Variants in SHANK1 observed in about 807,000 individuals in gnomAD.
SHANK1 encodes SH3 and multiple ankyrin repeat domains protein 1.
Under a neutral mutation model 165.6 loss-of-function variants are expected in SHANK1, and 35 were observed. The observed-to-expected ratio is 0.21, with a 90% CI of 0.16 to 0.28. SHANK1 has a LOEUF of 0.28. SHANK1 is among the 10% of genes least tolerant of loss of function. The pLI is 1.00. For synonymous variants in SHANK1, 1,428 were observed against 1,384.8 expected, an observed-to-expected ratio of 1.03 and a Z score of -0.69; for missense variants, 2,681 against 3,036.4, an observed-to-expected ratio of 0.88 and a Z score of 2.75.
chr19:50,688,731 G>A lies in SHANK1; in HGVS notation c.2172+113C>T. On this transcript the variant is annotated intron_variant, in intron 17 of 23. Coordinates refer to ENST00000293441, the MANE Select transcript of SHANK1 (RefSeq NM_016148.5). This position sits in a 1 kb window ranked among gnomAD's most constrained non-coding sequence, Gnocchi z 6.7. ...GGCTGGGGGGTGGGCAGGGGGCTGGGAATCCTGGTGCCAAAGGAGAATAAA... is the reference window on the plus strand; with the variant it reads ...GGCTGGGGGGTGGGCAGGGGGCTGGAAATCCTGGTGCCAAAGGAGAATAAA... 9.1e-7 allele frequency: 1 copy of A among 1,103,300 alleles called. No homozygotes were observed. Among genetic ancestry groups the A allele is most frequent in the South Asian group, 1.6e-5 (1 of 62,472 alleles). The allele number at this position is 1,103,300 out of a possible 1,614,324, so 68.3% of individuals were successfully genotyped here. A position where few individuals can be genotyped will look rare whatever the true frequency, so the allele number is the denominator to read the frequency against.
intron 15 of SHANK1, among the ~76,000 whole-genome samples, chr19:50,693,057 T>C (rs1292002491): frequency 6.6e-6 from 1 of 151,564 alleles, no homozygotes; most frequent in Non-Finnish European, 1.5e-5. Flanking sequence ...TCATACTTCC[T>C]GGGTACCCTC....
chr19:50,671,184 T>TA (rs1337158257), intron 22 of SHANK1, among the ~76,000 whole-genome samples: 3 of 135,018 alleles, frequency 2.2e-5, no homozygotes, highest in Non-Finnish European at 4.8e-5. Context: ...TTCACTCTTT[T>TA]TTTTTTTTTT....
Position 50,697,760 on chromosome 19 carries a change from G to T in SHANK1, c.1861+83C>A, listed in dbSNP as rs1259637789. 1 of 1,509,512 alleles carries T rather than the reference G, an allele frequency of 6.6e-7. No individual in the cohort carries two copies. The highest frequency in any genetic ancestry group is 2.3e-5 in the East Asian group (1 of 44,178). 93.5% of individuals were successfully genotyped at this position (1,509,512 alleles called of 1,614,324 possible). A position where few individuals can be genotyped will look rare whatever the true frequency, so the allele number is the denominator to read the frequency against. ...CCCAAGTCTTCCCATCTACCTCCCAGTACCCCACCCCCATTAGGAAGGGAA... is the reference window on the plus strand; with the variant it reads ...CCCAAGTCTTCCCATCTACCTCCCATTACCCCACCCCCATTAGGAAGGGAA... On this transcript the variant is annotated intron_variant, in intron 13 of 23. Coordinates refer to ENST00000293441, the MANE Select transcript of SHANK1 (RefSeq NM_016148.5). This position sits in a 1 kb window ranked among gnomAD's most constrained non-coding sequence, Gnocchi z 4.7.
intron 18 of SHANK1, 103 bp from the exon 19 acceptor site, chr19:50,687,765 C>T (rs187329410): frequency 6.0e-5 from 81 of 1,339,170 alleles, no homozygotes; most frequent in Admixed American, 2.7e-4. Context: ...CCATTGCCAG[C>T]GTGCGGAGCC....
chr19:50,690,086 C>T lies in SHANK1; in HGVS notation c.1965-807G>A, dbSNP rs1247613550. ...CACATTGGACAGTACAGATATAGAACATTTCCATTGCTGCAAAGCTCCCCG... is the reference window on the plus strand; with the variant it reads ...CACATTGGACAGTACAGATATAGAATATTTCCATTGCTGCAAAGCTCCCCG... On this transcript the variant is annotated intron_variant, in intron 15 of 23. Coordinates refer to ENST00000293441, the MANE Select transcript of SHANK1 (RefSeq NM_016148.5). This position sits in a 1 kb window ranked among gnomAD's most constrained non-coding sequence, Gnocchi z 4.9. Among the ~76,000 whole-genome samples, 1 of 152,210 alleles carries T rather than the reference C, an allele frequency of 6.6e-6. No individual in the cohort carries two copies. The highest frequency in any genetic ancestry group is 1.5e-5 in the Non-Finnish European group (1 of 68,036).
intron 15 of SHANK1, among the ~76,000 whole-genome samples, chr19:50,692,212 G>A (rs1986559663): frequency 6.6e-6 from 1 of 152,052 alleles, no homozygotes. Flanking sequence ...ATCCCAGGGT[G>A]TGGCAGTAAC....
At position 50,684,370 on chromosome 19, in the gene SHANK1, C is replaced by G. The variant is rs185088854; in HGVS notation, c.2577+1867G>C. 9.7e-3 allele frequency among the ~76,000 whole-genome samples: 1,471 copies of G among 152,242 alleles called. 28 individuals carry two copies. Among genetic ancestry groups the G allele is most frequent in the African/African-American group, 0.034 (1,401 of 41,534 alleles). ...CCTCCTGAGTAGCTGGGATTACAGG[C>G]ACATGCCACCACATCCGGCCAATTT... is the stretch of plus-strand genomic sequence containing the variant. On this transcript the variant is annotated intron_variant, in intron 21 of 23. Coordinates refer to ENST00000293441, the MANE Select transcript of SHANK1 (RefSeq NM_016148.5).
chr19:50,666,648 C>T lies in SHANK1; in HGVS notation c.5312G>A (p.Gly1771Asp). 5 of 1,593,614 alleles carry T rather than the reference C, an allele frequency of 3.1e-6. No homozygotes were observed. The highest frequency in any genetic ancestry group is 4.3e-6 in the Non-Finnish European group (5 of 1,173,318). Residue 1771 changes from glycine (G) to aspartate (D), a missense_variant, in exon 23 of 24, where the codon GGC becomes GAC. Gly to Asp is a moderately conservative substitution (Grantham distance 94). Transcript: ENST00000293441. ...AGGGTCTCGGAGTCCCCCGCTGGGG[C>T]CAGGCCGCAGGCCTCCGCTGGCTCC... is the stretch of plus-strand genomic sequence containing the variant. ...ALGASGGLRP[G>D]PSGGLRDPVT...
At chr19:50,669,391 G>A (rs889210513) in intron 22 of SHANK1, 106 bp from the exon 23 acceptor site, 9 of 741,684 alleles carry the variant, frequency 1.2e-5, no homozygotes, top group Admixed American at 9.9e-5. Context: ...ATGGCACCCC[G>A]TATATGCCAG....
At position 50,717,748 on chromosome 19, in the gene SHANK1, G is replaced by A. The variant is rs1002664247; in HGVS notation, c.-43-786C>T. ...CAGTGGTGTGGTGGCCCGGGTAGAT[G>A]TGGGTGGCTGCAGATGACCTGTAGC... On this transcript the variant is annotated intron_variant, in intron 1 of 23. Transcript: ENST00000293441. This position sits in a 1 kb window ranked among gnomAD's most constrained non-coding sequence, Gnocchi z 5.5. Among the ~76,000 whole-genome samples, 1 of 152,004 alleles carries A rather than the reference G, an allele frequency of 6.6e-6. No individual in the cohort carries two copies. Among genetic ancestry groups the A allele is most frequent in the Non-Finnish European group, 1.5e-5 (1 of 67,990 alleles).
intron 21 of SHANK1, among the ~76,000 whole-genome samples, chr19:50,674,146 G>GTCATTATGAA (rs1031802459): frequency 6.6e-6 from 1 of 150,908 alleles, no homozygotes; most frequent in African/African-American, 2.4e-5. Context: ...GTTCATGGAA[G>GTCATTATGAA]TCATTATGAA....
At position 50,686,699 on chromosome 19, in the gene SHANK1, G is replaced by C. The variant is rs1219814634; in HGVS notation, c.2458+45C>G. On this transcript the variant is annotated intron_variant, in intron 20 of 23. Transcript: ENST00000293441. This position sits in a 1 kb window ranked among gnomAD's most constrained non-coding sequence, Gnocchi z 5.7. ...TGGGACAGGGATGCAGCGGGTGCCG[G>C]GGCTGGGGCCCGGCATCCCGAGGAG... 3 of 1,587,748 alleles carry C rather than the reference G, an allele frequency of 1.9e-6. No homozygotes were observed. Among genetic ancestry groups the C allele is most frequent in the South Asian group, 2.2e-5 (2 of 90,390 alleles).
chr19:50,704,256 C>G, intron 9 of SHANK1, 70 bp from the exon 10 acceptor site: 1 of 1,520,132 alleles, frequency 6.6e-7, no homozygotes, highest in Non-Finnish European at 9.1e-7. Context: ...GGGAACGTGG[C>G]GAGGTCCCTG....
intron 5 of SHANK1, 55 bp downstream of exon 5, chr19:50,714,127 T>G: frequency 6.4e-7 from 1 of 1,568,776 alleles, no homozygotes; most frequent in East Asian, 2.3e-5. Context: ...ATGGCACCCC[T>G]GCTCCCCAGC....
chr19:50,691,418 C>T (rs1599857874), intron 15 of SHANK1, among the ~76,000 whole-genome samples: 1 of 152,112 alleles, frequency 6.6e-6, no homozygotes, highest in Non-Finnish European at 1.5e-5. Context: ...TCACTCATGC[C>T]ACAAACCCCT....
Position 50,659,987 on chromosome 19 carries a change from TGGTGAGGGGAGGG to T in SHANK1, c.*1965_*1977del. Among the ~76,000 whole-genome samples, 1 of 147,514 alleles carries T rather than the reference TGGTGAGGGGAGGG, an allele frequency of 6.8e-6. No homozygotes were observed. Among genetic ancestry groups the T allele is most frequent in the African/African-American group, 2.5e-5 (1 of 40,042 alleles). On this transcript the variant is annotated 3_prime_UTR_variant, in exon 24 of 24. Transcript: ENST00000293441. ...CGAGGTTCCCCGCAGATCCCTGACATGGTGAGGGGAGGGGGCTTGCAGCCCCCTCCCCTCATGG... is the reference window on the plus strand; with the variant it reads ...CGAGGTTCCCCGCAGATCCCTGACATGGCTTGCAGCCCCCTCCCCTCATGG...
rs1319859344 is a variant in SHANK1 at position 50,719,745 on chromosome 19, G to A, written c.-383C>T. On this transcript the variant is annotated 5_prime_UTR_variant, in exon 1 of 24. Coordinates refer to ENST00000293441, the MANE Select transcript of SHANK1 (RefSeq NM_016148.5). ...TCCTCTTCCTCGGGCCGCCGCCGCC[G>A]CCGCCCGCTCCGCGCCTCCTCTGCC... is the stretch of plus-strand genomic sequence containing the variant. Among the ~76,000 whole-genome samples, 1 of 149,918 alleles carries A rather than the reference G, an allele frequency of 6.7e-6. No individual in the cohort carries two copies. Among genetic ancestry groups the A allele is most frequent in the Admixed American group, 6.6e-5 (1 of 15,152 alleles).
In SHANK1 at chr19:50,713,323, C is replaced by T. The variant is rs977945488; in HGVS notation, c.792+475G>A. ...GGGAAAGTGCATTTGAGGCTGTGTA[C>T]GTGGGGAAGGGGCTGTATTTGCATG... On this transcript the variant is annotated intron_variant, in intron 6 of 23. Transcript: ENST00000293441. This position sits in a 1 kb window ranked among gnomAD's most constrained non-coding sequence, Gnocchi z 6.2. Among the ~76,000 whole-genome samples the T allele has an allele frequency of 2.7e-5, 4 of 150,452 alleles. No individual in the cohort carries two copies. The highest frequency in any genetic ancestry group is 5.9e-5 in the Non-Finnish European group (4 of 67,780).
rs10419546 is a variant in SHANK1 at position 50,704,270 on chromosome 19, C to G, written c.1156-84G>C. On this transcript the variant is annotated intron_variant, in intron 9 of 23. Coordinates refer to ENST00000293441, the MANE Select transcript of SHANK1 (RefSeq NM_016148.5). ...AGGGAACGTGGCGAGGTCCCTGGCC[C>G]GACCCAAACCTTCCACTCCGACAAT... The G allele has an allele frequency of 6.2e-5, 89 of 1,437,684 alleles. No individual in the cohort carries two copies. In the South Asian group the frequency reaches 9.2e-4, roughly 15 times the overall value. The allele number at this position is 1,437,684 out of a possible 1,614,324, so 89.1% of individuals were successfully genotyped here.
Sources: allele counts gnomAD v4.1 joint callset (sites outside exome capture counted in the v4.1 genomes callset), GRCh38; gene constraint gnomAD v4.1.1; non-coding constraint Gnocchi (gnomAD v3.1); transcripts MANE v1.5; gene names NCBI Gene and HGNC (gene_info 2026-07-23, HGNC 2026-07-21).